SYT1: variants seen among roughly 807,000 people sequenced by gnomAD.
SYT1 encodes synaptotagmin-1.
SYT1 carries 8 observed loss-of-function variants against 44.8 expected under a neutral mutation model. The ratio of observed to expected loss-of-function variants is 0.18; its 90% CI spans 0.10 to 0.32. SYT1 has a LOEUF of 0.32. Among genes scored for constraint, SYT1 ranks in the 10% least tolerant of loss-of-function variants. The pLI, the probability that SYT1 is intolerant of heterozygous loss-of-function variation, is 1.00. For missense variants in SYT1, 286 were observed against 509.3 expected, an observed-to-expected ratio of 0.56 and a Z score of 4.22; for synonymous variants, 154 against 188.8, an observed-to-expected ratio of 0.82 and a Z score of 1.51.
chr12:78,886,956 G>T (rs963801533), intron 1 of SYT1, among the ~76,000 whole-genome samples: 1 of 151,860 alleles, frequency 6.6e-6, no homozygotes, highest in Non-Finnish European at 1.5e-5. Flanking sequence ...GTTTATGTAT[G>T]AAGTTTTAGA....
At chr12:79,242,442 G>T (rs1271703634) in intron 4 of SYT1, among the ~76,000 whole-genome samples, 1 of 152,152 alleles carries the variant, frequency 6.6e-6, no homozygotes, top group Non-Finnish European at 1.5e-5. Context: ...CCCCTCCCCT[G>T]TGGGCTTGAA....
At chr12:79,016,525 T>G (rs1363876440) in intron 2 of SYT1, among the ~76,000 whole-genome samples, 1 of 152,126 alleles carries the variant, frequency 6.6e-6, no homozygotes, top group Non-Finnish European at 1.5e-5. Flanking sequence ...GTTTTTCAGA[T>G]CTGGAATCAG....
At chr12:79,356,540 G>C (rs1430655019) in intron 9 of SYT1, among the ~76,000 whole-genome samples, 1 of 152,140 alleles carries the variant, frequency 6.6e-6, no homozygotes, top group African/African-American at 2.4e-5. Context: ...TGGATGGTCT[G>C]TCTCAAAGTA....
intron 2 of SYT1, among the ~76,000 whole-genome samples, chr12:79,039,533 C>A (rs1406600055): frequency 6.6e-6 from 1 of 151,884 alleles, no homozygotes; most frequent in African/African-American, 2.4e-5. Flanking sequence ...TGTGCCCATC[C>A]ATATTCAGAG....
chr12:79,080,315 G>A (rs1238556980), intron 3 of SYT1, among the ~76,000 whole-genome samples: 1 of 151,934 alleles, frequency 6.6e-6, no homozygotes, highest in Non-Finnish European at 1.5e-5. Context: ...TGGGACATCT[G>A]GATATTTGAC....
intron 4 of SYT1, among the ~76,000 whole-genome samples, chr12:79,241,967 T>C (rs767678029): frequency 2.0e-5 from 3 of 152,184 alleles, no homozygotes; most frequent in Admixed American, 6.5e-5. Flanking sequence ...GATACATCTA[T>C]AAGCCTAGGA....
chr12:79,445,990 CATATAT>C (rs59721146), intron 10 of SYT1, among the ~76,000 whole-genome samples: 845 of 44,118 alleles, frequency 0.019, 12 homozygotes, highest in African/African-American at 0.038. Context: ...AATCCAAAGA[CATATAT>C]ATATATATAT....
chr12:79,121,556 A>C (rs1022328505), intron 3 of SYT1, among the ~76,000 whole-genome samples: 1 of 152,158 alleles, frequency 6.6e-6, no homozygotes, highest in African/African-American at 2.4e-5. Flanking sequence ...CTTTTGTTCT[A>C]TCCCCACTCA....
chr12:78,944,111 C>T (rs1201071882), intron 1 of SYT1, among the ~76,000 whole-genome samples: 1 of 151,642 alleles, frequency 6.6e-6, no homozygotes, highest in Non-Finnish European at 1.5e-5. Context: ...ATAAAGATTT[C>T]AGAATTTTAA....
chr12:78,943,030 A>C (rs1878464237), intron 1 of SYT1, among the ~76,000 whole-genome samples: 1 of 152,230 alleles, frequency 6.6e-6, no homozygotes, highest in African/African-American at 2.4e-5. Flanking sequence ...ATAGTAGTCT[A>C]ATAATAGTAA....
intron 1 of SYT1, among the ~76,000 whole-genome samples, chr12:78,920,919 T>C (rs1267755274): frequency 6.6e-6 from 1 of 151,806 alleles, no homozygotes; most frequent in African/African-American, 2.4e-5. Flanking sequence ...AATACTAAGA[T>C]CCAGTCCTCA....
intron 4 of SYT1, among the ~76,000 whole-genome samples, chr12:79,241,383 G>A (rs1304756892): frequency 2.0e-5 from 3 of 151,962 alleles, no homozygotes; most frequent in African/African-American, 7.3e-5. Context: ...TGATTCTCCT[G>A]CCTCAGCCTC....
In SYT1 at chr12:79,291,938, A is replaced by G; in HGVS notation, c.352-70A>G. 7 of 1,591,216 alleles carry G rather than the reference A, an allele frequency of 4.4e-6. No individual in the cohort carries two copies. The South Asian group carries it at 4.4e-5, about 10-fold the overall frequency. ...CTTCGAACAGCTTGGAAGTGTAACT[A>G]CAGGCCCAGTTCAATTTGAGTTTTG... On this transcript the variant is annotated intron_variant, in intron 5 of 10. Transcript: ENST00000261205.
At chr12:79,037,609 C>A (rs998598752) in intron 2 of SYT1, among the ~76,000 whole-genome samples, 5 of 151,584 alleles carry the variant, frequency 3.3e-5, no homozygotes, top group African/African-American at 1.2e-4. Context: ...AATGGTTAGA[C>A]AACAAAAGAG....
chr12:79,075,769 T>A (rs1876600643), intron 3 of SYT1, among the ~76,000 whole-genome samples: 1 of 152,054 alleles, frequency 6.6e-6, no homozygotes, highest in African/African-American at 2.4e-5. Flanking sequence ...ATTTAAACGA[T>A]CCCCAGCATA....
At position 79,031,614 on chromosome 12, in the gene SYT1, A is replaced by G. The variant is rs902510388; in HGVS notation, c.-83-15683A>G. Among the ~76,000 whole-genome samples, 9 of 151,170 alleles carry G rather than the reference A, an allele frequency of 6.0e-5. No homozygotes were observed. The East Asian group carries it at 1.2e-3, about 20-fold the overall frequency. On this transcript the variant is annotated intron_variant, in intron 2 of 10. Transcript: ENST00000261205. Reference sequence around the variant, plus strand: ...GTTAGAACCCTATTATGTAACTTTCATATTAAACACATCACAGAATTAATC... The same window carrying G: ...GTTAGAACCCTATTATGTAACTTTCGTATTAAACACATCACAGAATTAATC...
At chr12:79,244,565 CATG>C (rs1183460467) in intron 4 of SYT1, among the ~76,000 whole-genome samples, 1 of 151,940 alleles carries the variant, frequency 6.6e-6, no homozygotes, top group African/African-American at 2.4e-5. Flanking sequence ...ATTAGCCAGT[CATG>C]GTGGTGGCGC....
chr12:79,067,649 T>G (rs557802212), intron 3 of SYT1, among the ~76,000 whole-genome samples: 1 of 152,318 alleles, frequency 6.6e-6, no homozygotes, highest in African/African-American at 2.4e-5. Context: ...AAGGAGACCT[T>G]GTAATGCAGA....
intron 2 of SYT1, among the ~76,000 whole-genome samples, chr12:79,029,239 G>A (rs996094050): frequency 2.7e-5 from 4 of 150,726 alleles, no homozygotes; most frequent in Non-Finnish European, 4.5e-5. Context: ...TTTGCAGATT[G>A]CACTGAAAAG....
Sources: gnomAD v4.1 joint callset for allele counts (sites outside exome capture counted in the v4.1 genomes callset) on GRCh38, gnomAD v4.1.1 for gene constraint, MANE v1.5 for transcripts, NCBI Gene and HGNC (gene_info 2026-07-23, HGNC 2026-07-21) for gene names.